The following TAF3 variants were observed in gnomAD, a reference collection of about 807,000 sequenced individuals.
TAF3 encodes TATA-box binding protein associated factor 3, also known as transcription initiation factor TFIID subunit 3.
Under a neutral mutation model 80.6 loss-of-function variants are expected in TAF3, and 7 were observed. That is an observed-to-expected ratio of 0.09 (90% confidence interval 0.05 to 0.16). The LOEUF is 0.16. Among genes scored for constraint, TAF3 ranks in the 10% least tolerant of loss-of-function variants. The pLI is 1.00. For synonymous variants in TAF3, 444 were observed against 446.1 expected (o/e 1.00, Z 0.06); for missense variants, 921 against 1,140.2 (o/e 0.81, Z 2.77).
intron 2 of TAF3, among the ~76,000 whole-genome samples, chr10:7,929,472 A>T (rs1837846731): frequency 6.6e-6 from 1 of 152,038 alleles, no homozygotes; most frequent in African/African-American, 2.4e-5. Flanking sequence ...ATCTTGGCTC[A>T]CTGCAGCCTC....
intron 2 of TAF3, among the ~76,000 whole-genome samples, chr10:7,889,999 GA>G (rs1564357464): frequency 6.6e-6 from 1 of 152,202 alleles, no homozygotes; most frequent in Admixed American, 6.5e-5. Context: ...TTCTGAAACA[GA>G]AATCTATTTG....
chr10:7,915,040 A>G (rs141877491), intron 2 of TAF3, among the ~76,000 whole-genome samples: 1,656 of 145,186 alleles, frequency 0.011, 32 homozygotes, highest in African/African-American at 0.04. Context: ...TCCTGGGTTC[A>G]CGCCATTCTT....
At chr10:7,819,925 T>G (rs2131094288) in intron 1 of TAF3, among the ~76,000 whole-genome samples, 1 of 152,378 alleles carries the variant, frequency 6.6e-6, no homozygotes, top group South Asian at 2.1e-4. Flanking sequence ...AGCACAGATC[T>G]GATCCTGTCA....
At chr10:7,855,903 C>T (rs575636690) in intron 2 of TAF3, among the ~76,000 whole-genome samples, 4 of 145,330 alleles carry the variant, frequency 2.8e-5, no homozygotes, top group East Asian at 4.1e-4. Context: ...GCCAATATAG[C>T]GAGACCCCAT....
At chr10:7,941,148 T>C (rs1837972382) in intron 2 of TAF3, among the ~76,000 whole-genome samples, 1 of 152,090 alleles carries the variant, frequency 6.6e-6, no homozygotes, top group South Asian at 2.1e-4. Flanking sequence ...TGGGAATCAT[T>C]GAGAGATTTC....
chr10:7,821,617 T>C (rs1836691456), intron 1 of TAF3, among the ~76,000 whole-genome samples: 1 of 152,226 alleles, frequency 6.6e-6, no homozygotes, highest in South Asian at 2.1e-4. Flanking sequence ...AGGGTAACAA[T>C]GTCTCCAAGC....
At chr10:7,911,079 G>T (rs1007093051) in intron 2 of TAF3, among the ~76,000 whole-genome samples, 11 of 152,190 alleles carry the variant, frequency 7.2e-5, no homozygotes, top group Non-Finnish European at 1.2e-4. Context: ...TTAATTATAT[G>T]ATTTTTGAGG....
intron 4 of TAF3, among the ~76,000 whole-genome samples, chr10:8,007,065 AG>A (rs1832001262): frequency 6.6e-6 from 1 of 152,182 alleles, no homozygotes; most frequent in Non-Finnish European, 1.5e-5. Flanking sequence ...CTTCATTTCT[AG>A]GGATGGGGCT....
chr10:7,927,591 A>C (rs554137715), intron 2 of TAF3, among the ~76,000 whole-genome samples: 3 of 152,338 alleles, frequency 2.0e-5, no homozygotes, highest in African/African-American at 7.2e-5. Context: ...CCTAACAACT[A>C]ATCTACAAAA....
rs983299719 is a variant in TAF3 at position 8,009,857 on chromosome 10, G to A, written c.2568+527G>A. 1.3e-5 allele frequency among the ~76,000 whole-genome samples: 2 copies of A among 151,750 alleles called. No individual in the cohort carries two copies. The highest frequency in any genetic ancestry group is 2.9e-5 in the Non-Finnish European group (2 of 67,996). On this transcript the variant is annotated intron_variant, in intron 5 of 6. Coordinates refer to ENST00000344293, the MANE Select transcript of TAF3 (RefSeq NM_031923.4). This position sits in a 1 kb window ranked among gnomAD's most constrained non-coding sequence, Gnocchi z 4.1. ...GCTGGTCTCAAACTCCTGACCTAAGGTGATCCACCCGCCTCGGCCTCCCAA... is the reference window on the plus strand; with the variant it reads ...GCTGGTCTCAAACTCCTGACCTAAGATGATCCACCCGCCTCGGCCTCCCAA...
intron 2 of TAF3, among the ~76,000 whole-genome samples, chr10:7,838,889 T>C (rs1836880055): frequency 6.9e-6 from 1 of 145,322 alleles, no homozygotes; most frequent in Non-Finnish European, 1.5e-5. Context: ...TCTAGGGAAG[T>C]TGTCTGGAGG....
chr10:7,909,491 T>G (rs1384006988), intron 2 of TAF3, among the ~76,000 whole-genome samples: 1 of 152,202 alleles, frequency 6.6e-6, no homozygotes, highest in Admixed American at 6.5e-5. Context: ...GATAAACTAG[T>G]GTCATTGGAT....
chr10:7,872,867 A>G (rs1280084717), intron 2 of TAF3, among the ~76,000 whole-genome samples: 2 of 152,200 alleles, frequency 1.3e-5, no homozygotes, highest in South Asian at 2.1e-4. Flanking sequence ...ATAACATTAA[A>G]TGTGCATTCA....
Position 7,824,386 on chromosome 10 carries a change from G to A in TAF3, c.235G>A (p.Glu79Lys). 2 of 1,614,164 alleles carry A rather than the reference G, an allele frequency of 1.2e-6. No homozygotes were observed. Among genetic ancestry groups the A allele is most frequent in the Non-Finnish European group, 1.7e-6 (2 of 1,180,030 alleles). The change falls in exon 2 of 7, where the codon GAA becomes AAA. Residue 79 changes from glutamate (E) to lysine (K), a missense_variant. Physicochemically the swap from Glu to Lys is moderately conservative, Grantham distance 56 (BLOSUM62 1). Transcript: ENST00000344293. The part of the protein sequence containing the change: ...AFQLMGVSLH[E>K]LEDYIHNIEP... ...CCAGCTGATGGGGGTTAGTCTACAT[G>A]AACTAGAAGACTATATTCACAACAT...
intron 2 of TAF3, among the ~76,000 whole-genome samples, chr10:7,894,770 G>A (rs1031741042): frequency 3.3e-5 from 5 of 152,162 alleles, no homozygotes; most frequent in Non-Finnish European, 1.5e-5. Flanking sequence ...TGTAGGCTAA[G>A]ACTTTATTTA....
In TAF3 at chr10:7,842,151, G is replaced by GTTTT. The variant is rs71505465; in HGVS notation, c.409+17600_409+17603dup. On this transcript the variant is annotated intron_variant, in intron 2 of 6. Coordinates refer to ENST00000344293, the MANE Select transcript of TAF3 (RefSeq NM_031923.4). Reference sequence around the variant, plus strand: ...CATTGTAGGATATTGAATTAATATTGTTTTTTTTTTTTGTTTTTTTTTTTG... The same window carrying GTTTT: ...CATTGTAGGATATTGAATTAATATTGTTTTTTTTTTTTTTTTGTTTTTTTTTTTG... Among the ~76,000 whole-genome samples, 68 of 98,790 alleles carry GTTTT rather than the reference G, an allele frequency of 6.9e-4. 5 individuals carry two copies. Among genetic ancestry groups the GTTTT allele is most frequent in the Non-Finnish European group, 1.0e-3 (48 of 46,634 alleles). The allele number at this position is 98,790 out of a possible 152,430, so 64.8% of individuals were successfully genotyped here.
At chr10:7,893,935 A>T (rs1588541867) in intron 2 of TAF3, among the ~76,000 whole-genome samples, 1 of 152,150 alleles carries the variant, frequency 6.6e-6, no homozygotes, top group African/African-American at 2.4e-5. Flanking sequence ...AGGCAGAACC[A>T]GTCTGTTTCT....
intron 2 of TAF3, among the ~76,000 whole-genome samples, chr10:7,851,925 G>A (rs188631339): frequency 1.4e-4 from 22 of 151,736 alleles, no homozygotes; most frequent in South Asian, 6.3e-4. Context: ...GACTACAGGC[G>A]TGAGCCACCA....
chr10:7,960,257 T>C (rs1838176494), intron 2 of TAF3, among the ~76,000 whole-genome samples: 1 of 152,208 alleles, frequency 6.6e-6, no homozygotes, highest in South Asian at 2.1e-4. Flanking sequence ...TGTTTATCTG[T>C]TGGCAGTTGA....
Sources: allele counts gnomAD v4.1 joint callset (sites outside exome capture counted in the v4.1 genomes callset), GRCh38; gene constraint gnomAD v4.1.1; non-coding constraint Gnocchi (gnomAD v3.1); transcripts MANE v1.5; gene names NCBI Gene and HGNC (gene_info 2026-07-23, HGNC 2026-07-21).